The following MLXIP variants were observed in gnomAD, a reference collection of about 807,000 sequenced individuals.
MLXIP encodes MLX-interacting protein.
MLXIP carries 30 observed loss-of-function variants against 87.2 expected under a neutral mutation model. The ratio of observed to expected loss-of-function variants is 0.34; its 90% confidence interval spans 0.26 to 0.47. MLXIP has a LOEUF of 0.47. Among genes scored for constraint, MLXIP ranks in the 20% least tolerant of loss-of-function variants. The probability of loss-of-function intolerance (pLI) is 1.00; values close to 1 mark genes in which losing one functional copy is unlikely to be tolerated. For synonymous variants in MLXIP, 530 were observed against 514.0 expected (o/e 1.03, Z -0.42); for missense variants, 1,002 against 1,240.1 (o/e 0.81, Z 2.88).
chr12:122,125,589 G>C lies in MLXIP; in HGVS notation c.414-1667G>C, dbSNP rs887552315. 3.9e-5 allele frequency among the ~76,000 whole-genome samples: 6 copies of C among 152,200 alleles called. No individual in the cohort carries two copies. The East Asian group carries it at 1.2e-3, about 29-fold the overall frequency. On this transcript the variant is annotated intron_variant, in intron 1 of 16. Transcript: ENST00000319080. Reference sequence around the variant, plus strand: ...GGTACGCCATGACACAGCAGTGGCTGTCTGATTCCGTAGCTGCCTGCTGTA... The same window carrying C: ...GGTACGCCATGACACAGCAGTGGCTCTCTGATTCCGTAGCTGCCTGCTGTA...
At chr12:122,122,687 G>A (rs1196200649) in intron 1 of MLXIP, among the ~76,000 whole-genome samples, 2 of 151,702 alleles carry the variant, frequency 1.3e-5, no homozygotes, top group Non-Finnish European at 1.5e-5. Flanking sequence ...GAGTACAGGC[G>A]CCCGCCACCA....
intron 1 of MLXIP, among the ~76,000 whole-genome samples, chr12:122,100,909 G>C (rs905040193): frequency 6.6e-6 from 1 of 152,170 alleles, no homozygotes; most frequent in Non-Finnish European, 1.5e-5. Flanking sequence ...AGAATACTCC[G>C]AAGCCATTAT....
intron 14 of MLXIP, 128 bp downstream of exon 14, chr12:122,138,679 GT>G (rs1953140070): frequency 6.7e-7 from 1 of 1,494,474 alleles, no homozygotes; most frequent in Non-Finnish European, 8.9e-7. Context: ...TCTGCTCTTT[GT>G]CAACCTCCTT....
At chr12:122,106,064 G>A (rs1414989793) in intron 1 of MLXIP, among the ~76,000 whole-genome samples, 1 of 152,208 alleles carries the variant, frequency 6.6e-6, no homozygotes, top group Non-Finnish European at 1.5e-5. Flanking sequence ...TAGCAGCAAG[G>A]TTGGGACTTT....
Position 122,143,497 on chromosome 12 carries a change from GA to G in MLXIP, c.*1689del. The G allele has an allele frequency of 6.6e-6, 1 of 152,394 alleles. No individual in the cohort carries two copies. Among genetic ancestry groups the G allele is most frequent in the Non-Finnish European group, 1.5e-5 (1 of 68,088 alleles). 9.4% of individuals were successfully genotyped at this position (152,394 alleles called of 1,614,324 possible). On this transcript the variant is annotated 3_prime_UTR_variant, in exon 17 of 17. Transcript: ENST00000319080. The stretch of plus-strand genomic sequence containing the variant: ...GGGCTGGTCCTTGGAATTTCCCCTG[GA>G]AAATGGTAACAGACTCCATCCTTGA...
intron 1 of MLXIP, among the ~76,000 whole-genome samples, chr12:122,081,169 T>G (rs1334237501): frequency 6.6e-6 from 1 of 152,096 alleles, no homozygotes; most frequent in Non-Finnish European, 1.5e-5. Flanking sequence ...GCACCATCAG[T>G]TTGGTGCAAG....
chr12:122,113,307 T>A (rs1952632405), intron 1 of MLXIP, among the ~76,000 whole-genome samples: 1 of 152,200 alleles, frequency 6.6e-6, no homozygotes, highest in South Asian at 2.1e-4. Flanking sequence ...CCACGCAGGC[T>A]AGAGTACAGT....
At chr12:122,079,341 C>T (rs944393944) in intron 1 of MLXIP, 75 bp downstream of exon 1, 1 of 1,307,966 alleles carries the variant, frequency 7.6e-7, no homozygotes, top group Non-Finnish European at 1.1e-6. Flanking sequence ...AGGGAAGGGC[C>T]GCCTGGCAAC....
chr12:122,131,833 A>T (rs1952984539), intron 7 of MLXIP, among the ~76,000 whole-genome samples: 1 of 151,258 alleles, frequency 6.6e-6, no homozygotes, highest in Non-Finnish European at 1.5e-5. Flanking sequence ...CCTGGACTTA[A>T]GCGATCCTTC....
intron 1 of MLXIP, among the ~76,000 whole-genome samples, chr12:122,114,266 G>A (rs1356094464): frequency 3.3e-5 from 5 of 152,262 alleles, no homozygotes; most frequent in Non-Finnish European, 5.9e-5. Flanking sequence ...GATTACAGGC[G>A]TGAGCCACTG....
At chr12:122,101,229 A>G (rs1278625799) in intron 1 of MLXIP, among the ~76,000 whole-genome samples, 1 of 152,174 alleles carries the variant, frequency 6.6e-6, no homozygotes, top group Non-Finnish European at 1.5e-5. Context: ...ATAGAGGTGT[A>G]TGCTCATGGT....
At chr12:122,080,837 C>A (rs373001699) in intron 1 of MLXIP, among the ~76,000 whole-genome samples, 5 of 152,344 alleles carry the variant, frequency 3.3e-5, no homozygotes, top group African/African-American at 1.2e-4. Flanking sequence ...TCGAGAGAGC[C>A]TTTTCAAACA....
intron 16 of MLXIP, 156 bp from the exon 17 acceptor site, chr12:122,141,535 T>C (rs1427263772): frequency 1.3e-6 from 1 of 797,642 alleles, no homozygotes; most frequent in Non-Finnish European, 1.5e-6. Context: ...TGCCCAGGTC[T>C]CGGTGTCGGC....
intron 11 of MLXIP, chr12:122,136,987 A>C (rs2135989303): frequency 6.6e-6 from 1 of 152,390 alleles, no homozygotes; most frequent in Admixed American, 6.5e-5. Flanking sequence ...ACAGTAAAGC[A>C]GAATGGGCCG....
At position 122,133,269 on chromosome 12, in the gene MLXIP, T is replaced by A; in HGVS notation, c.1093-79T>A. 6.8e-7 allele frequency: 1 copy of A among 1,480,490 alleles called. No homozygotes were observed. The highest frequency in any genetic ancestry group is 2.3e-5 in the Admixed American group (1 of 43,470). The allele number at this position is 1,480,490 out of a possible 1,614,324, so 91.7% of individuals were successfully genotyped here. A position where few individuals can be genotyped will look rare whatever the true frequency, so the allele number is the denominator to read the frequency against. Reference sequence around the variant, plus strand: ...TGTCCCAGCGCCCGGCCTGTGTAGTTGGACTTGGCAGTGTGCAGCGCTAGA... The same window carrying A: ...TGTCCCAGCGCCCGGCCTGTGTAGTAGGACTTGGCAGTGTGCAGCGCTAGA... On this transcript the variant is annotated intron_variant, in intron 8 of 16. Transcript: ENST00000319080. The surrounding 1 kb of genome is among the most constrained non-coding windows in gnomAD (Gnocchi z 4.9).
At position 122,144,365 on chromosome 12, in the gene MLXIP, T is replaced by G. The variant is rs555833130; in HGVS notation, c.*2553T>G. 1 of 147,964 alleles carries G rather than the reference T, an allele frequency of 6.8e-6. No homozygotes were observed. The highest frequency in any genetic ancestry group is 1.5e-5 in the Non-Finnish European group (1 of 67,776). The allele number at this position is 147,964 out of a possible 1,614,324, so 9.2% of individuals were successfully genotyped here. ...GGGAGGCTGAAGCTGAAGGATCACT[T>G]GAGCTCAGGAGTTGGAGACCAACCC... On this transcript the variant is annotated 3_prime_UTR_variant, in exon 17 of 17. Transcript: ENST00000319080.
chr12:122,142,926 C>G lies in MLXIP; in HGVS notation c.*1114C>G, dbSNP rs1290375416. 2 of 153,908 alleles carry G rather than the reference C, an allele frequency of 1.3e-5. No individual in the cohort carries two copies. The highest frequency in any genetic ancestry group is 1.9e-4 in the East Asian group (1 of 5,200). 9.5% of individuals were successfully genotyped at this position (153,908 alleles called of 1,614,324 possible). On this transcript the variant is annotated 3_prime_UTR_variant, in exon 17 of 17. Coordinates refer to ENST00000319080, the MANE Select transcript of MLXIP (RefSeq NM_014938.6). ...TCTCTCAGATCAGACAGCAAAGAAT[C>G]TACCCAGATCTGGGCTGGGTGGAGG...
intron 1 of MLXIP, among the ~76,000 whole-genome samples, chr12:122,125,415 G>C (rs1420088299): frequency 6.6e-6 from 1 of 152,174 alleles, no homozygotes; most frequent in Admixed American, 6.5e-5. Flanking sequence ...GTTTGCTTTA[G>C]GGTTTACCAG....
intron 15 of MLXIP, among the ~76,000 whole-genome samples, chr12:122,140,114 T>C (rs191120060): frequency 6.6e-6 from 1 of 152,326 alleles, no homozygotes; most frequent in African/African-American, 2.4e-5. Context: ...GCTTCTTTGA[T>C]GAAATGGCAT....
Sources: allele counts gnomAD v4.1 joint callset (sites outside exome capture counted in the v4.1 genomes callset), GRCh38; gene constraint gnomAD v4.1.1; non-coding constraint Gnocchi (gnomAD v3.1); transcripts MANE v1.5; gene names NCBI Gene and HGNC (gene_info 2026-07-23, HGNC 2026-07-21).